Variants in EBF1 observed in about 807,000 individuals in gnomAD.
EBF1 encodes the protein EBF transcription factor 1.
Under a neutral mutation model 68.4 loss-of-function variants are expected in EBF1, and 10 were observed. That is an observed-to-expected ratio of 0.15 (90% CI 0.09 to 0.25). The LOEUF is 0.25. Ranked by LOEUF, EBF1 falls within the 10% of genes least tolerant of loss-of-function variation. The pLI is 1.00. For synonymous variants in EBF1, 298 were observed against 299.8 expected (o/e 0.99, Z 0.06); for missense variants, 509 against 794.4 (o/e 0.64, Z 4.32).
intron 6 of EBF1, among the ~76,000 whole-genome samples, chr5:158,920,155 G>A (rs1583172867): frequency 7.6e-6 from 1 of 130,940 alleles, no homozygotes; most frequent in Admixed American, 7.8e-5. Flanking sequence ...ATATACATAT[G>A]TGTGTGTGTG....
intron 6 of EBF1, among the ~76,000 whole-genome samples, chr5:159,023,067 G>C (rs1471098719): frequency 6.6e-6 from 1 of 152,016 alleles, no homozygotes; most frequent in Non-Finnish European, 1.5e-5. Flanking sequence ...TTGTTTTTCT[G>C]GTTTGGGAAT....
At chr5:159,056,559 C>T (rs1272974352) in intron 6 of EBF1, among the ~76,000 whole-genome samples, 1 of 152,172 alleles carries the variant, frequency 6.6e-6, no homozygotes, top group African/African-American at 2.4e-5. Flanking sequence ...CTTGGCAATT[C>T]CAAATGTGTG....
At chr5:158,759,773 G>C (rs1470827644) in intron 10 of EBF1, among the ~76,000 whole-genome samples, 1 of 151,970 alleles carries the variant, frequency 6.6e-6, no homozygotes, top group African/African-American at 2.4e-5. Flanking sequence ...GCCTCCTTGT[G>C]TATTGCCTGC....
At position 158,786,383 on chromosome 5, in the gene EBF1, G is replaced by T. The variant is rs138350840; in HGVS notation, c.910-8844C>A. 1.2e-3 allele frequency among the ~76,000 whole-genome samples: 188 copies of T among 151,900 alleles called. 1 individual carries two copies. Among genetic ancestry groups the T allele is most frequent in the African/African-American group, 4.1e-3 (169 of 41,250 alleles). ...ATACATTATGCTTCCACTACCTCTG[G>T]TTTTGTGGGTTATTTATTTATTTAT... is the stretch of plus-strand genomic sequence containing the variant. On this transcript the variant is annotated intron_variant, in intron 9 of 15. Transcript: ENST00000313708.
intron 6 of EBF1, among the ~76,000 whole-genome samples, chr5:158,852,398 C>T (rs559708029): frequency 6.6e-6 from 1 of 152,240 alleles, no homozygotes; most frequent in East Asian, 1.9e-4. Context: ...CCCCCGGCCT[C>T]ACACATCATT....
At chr5:159,021,890 T>G (rs1440758216) in intron 6 of EBF1, among the ~76,000 whole-genome samples, 1 of 152,148 alleles carries the variant, frequency 6.6e-6, no homozygotes, top group Non-Finnish European at 1.5e-5. Context: ...TAATGGACCC[T>G]GTGGTGTTCC....
intron 6 of EBF1, among the ~76,000 whole-genome samples, chr5:158,889,405 T>C (rs1435212713): frequency 6.6e-6 from 1 of 152,180 alleles, no homozygotes; most frequent in African/African-American, 2.4e-5. Context: ...TTTCTTGAGG[T>C]TAAAATTTTA....
At chr5:158,972,385 T>A (rs1755829843) in intron 6 of EBF1, among the ~76,000 whole-genome samples, 1 of 152,226 alleles carries the variant, frequency 6.6e-6, no homozygotes, top group Non-Finnish European at 1.5e-5. Context: ...AATACGGTTG[T>A]CAAAGCGGAT....
intron 6 of EBF1, among the ~76,000 whole-genome samples, chr5:158,918,854 T>C (rs1484961584): frequency 5.9e-5 from 9 of 152,244 alleles, no homozygotes; most frequent in African/African-American, 2.2e-4. Flanking sequence ...TGGTACAAAG[T>C]CAGCCCATGC....
rs532653829 is a variant in EBF1, at chr5:158,810,495, G to A, written c.778+12681C>T. Among the ~76,000 whole-genome samples the A allele has an allele frequency of 4.6e-5, 7 of 152,192 alleles. No individual in the cohort carries two copies. In the East Asian group the frequency reaches 5.8e-4, roughly 13 times the overall value. Reference sequence around the variant, plus strand: ...ATTTTTATTACTTTGCCCCAAGGACGATGAAAGAAACTGAAGGGTTGAGAA... The same window carrying A: ...ATTTTTATTACTTTGCCCCAAGGACAATGAAAGAAACTGAAGGGTTGAGAA... On this transcript the variant is annotated intron_variant, in intron 8 of 15. Transcript: ENST00000313708.
chr5:158,802,848 T>G (rs988960750), intron 8 of EBF1, among the ~76,000 whole-genome samples: 6 of 152,186 alleles, frequency 3.9e-5, no homozygotes, highest in Non-Finnish European at 1.5e-5. Context: ...TGCTAGTTGC[T>G]GCTATAATAA....
chr5:159,039,667 A>T lies in EBF1; in HGVS notation c.554+33729T>A, dbSNP rs1027968838. ...ATTTCAGAAGAAAAATTATTTAAAT[A>T]TTAAAAGCGGTTTTGTCATGAAACT... On this transcript the variant is annotated intron_variant, in intron 6 of 15. Transcript: ENST00000313708. Among the ~76,000 whole-genome samples the T allele has an allele frequency of 5.9e-5, 9 of 152,370 alleles. No homozygotes were observed. The South Asian group carries it at 1.7e-3, about 28-fold the overall frequency.
At chr5:159,090,449 T>C (rs192409597) in intron 4 of EBF1, among the ~76,000 whole-genome samples, 1 of 152,276 alleles carries the variant, frequency 6.6e-6, no homozygotes, top group Admixed American at 6.5e-5. Flanking sequence ...GCAGCTTGGC[T>C]ACTGGTGAAC....
intron 6 of EBF1, among the ~76,000 whole-genome samples, chr5:159,009,391 G>C (rs918434849): frequency 6.6e-6 from 1 of 152,244 alleles, no homozygotes; most frequent in East Asian, 1.9e-4. Flanking sequence ...TGTGGAACTT[G>C]ACAAAAGAGC....
At chr5:158,838,122 G>A (rs185527553) in intron 7 of EBF1, among the ~76,000 whole-genome samples, 55 of 152,178 alleles carry the variant, frequency 3.6e-4, no homozygotes, top group East Asian at 2.3e-3. Flanking sequence ...TCAGATGACC[G>A]GAGGAAACAT....
chr5:158,842,941 T>C (rs991623428), intron 6 of EBF1, among the ~76,000 whole-genome samples: 1 of 152,220 alleles, frequency 6.6e-6, no homozygotes, highest in Admixed American at 6.5e-5. Context: ...CATGATGTAG[T>C]AGTTTTAGTA....
At position 158,921,280 on chromosome 5, in the gene EBF1, G is replaced by C. The variant is rs528542406; in HGVS notation, c.555-81170C>G. On this transcript the variant is annotated intron_variant, in intron 6 of 15. Transcript: ENST00000313708. ...AAATTCTATACAGCTTGCCTAAATAGATGAAATCTACACCTTATTCTGAAT... is the reference window on the plus strand; with the variant it reads ...AAATTCTATACAGCTTGCCTAAATACATGAAATCTACACCTTATTCTGAAT... Among the ~76,000 whole-genome samples, 20 of 151,376 alleles carry C rather than the reference G, an allele frequency of 1.3e-4. 2 individuals carry two copies. In the Middle Eastern group the frequency reaches 0.01, roughly 77 times the overall value.
intron 6 of EBF1, among the ~76,000 whole-genome samples, chr5:158,996,800 T>G (rs1429512207): frequency 6.6e-6 from 1 of 152,202 alleles, no homozygotes; most frequent in African/African-American, 2.4e-5. Context: ...GTCTAAATAT[T>G]TAAAAGCTAT....
intron 6 of EBF1, among the ~76,000 whole-genome samples, chr5:158,935,443 C>T (rs1264974762): frequency 1.3e-5 from 2 of 152,210 alleles, no homozygotes; most frequent in Non-Finnish European, 2.9e-5. Context: ...CCCAGATTAG[C>T]ATAAGTGAAC....
Sources: gnomAD v4.1 joint callset for allele counts (sites outside exome capture counted in the v4.1 genomes callset) on GRCh38, gnomAD v4.1.1 for gene constraint, MANE v1.5 for transcripts, NCBI Gene and HGNC (gene_info 2026-07-23, HGNC 2026-07-21) for gene names.